ADH1B: variants seen among roughly 807,000 people sequenced by gnomAD.
ADH1B encodes all-trans-retinol dehydrogenase [NAD(+)] ADH1B.
ADH1B carries 29 observed loss-of-function variants against 34.6 expected under a neutral mutation model. That is an observed-to-expected ratio of 0.84 (90% CI 0.62 to 1.14). ADH1B has a LOEUF of 1.14. ADH1B is among the 50% of genes most tolerant of loss of function. The pLI is 0.00. For missense variants in ADH1B, 424 were observed against 468.4 expected (o/e 0.91, Z 0.87); for synonymous variants, 170 against 175.5 (o/e 0.97, Z 0.25).
In ADH1B at chr4:99,305,561, GTATATATA is replaced by G. The variant is rs56951572; in HGVS notation, c.*2271_*2278del. The G allele has an allele frequency of 0.042, 2,095 of 49,314 alleles. 235 individuals are homozygous for G. The highest frequency in any genetic ancestry group is 0.15 in the African/African-American group (1,590 of 10,812). 3.1% of individuals were successfully genotyped at this position (49,314 alleles called of 1,614,324 possible). On this transcript the variant is annotated 3_prime_UTR_variant, in exon 9 of 9. Coordinates refer to ENST00000305046, the MANE Select transcript of ADH1B (RefSeq NM_000668.6). ...CTATATGAACCACTTGCCCCATAGTGTATATATATATATATATATATATATATATATAT... is the reference window on the plus strand; with the variant it reads ...CTATATGAACCACTTGCCCCATAGTGTATATATATATATATATATATATAT...
Position 99,318,976 on chromosome 4 carries a change from C to A in ADH1B, c.19-90G>T, listed in dbSNP as rs114261077. 295 of 1,353,204 alleles carry A rather than the reference C, an allele frequency of 2.2e-4. 1 individual carries two copies. The highest frequency in any genetic ancestry group is 2.2e-3 in the Middle Eastern group (12 of 5,560). The allele number at this position is 1,353,204 out of a possible 1,614,324, so 83.8% of individuals were successfully genotyped here. The stretch of plus-strand genomic sequence containing the variant: ...TTTCATCTTTGTACATGTAATATTG[C>A]GTCCCATGTCTGGTACCTAACAAGT... On this transcript the variant is annotated intron_variant, in intron 1 of 8. Transcript: ENST00000305046.
chr4:99,312,920 A>G (rs897637665), intron 6 of ADH1B, among the ~76,000 whole-genome samples: 4 of 152,216 alleles, frequency 2.6e-5, no homozygotes, highest in African/African-American at 7.2e-5. Flanking sequence ...GCACTGTGCT[A>G]AGTATATCAC....
At chr4:99,319,227 T>C (rs749091235) in intron 1 of ADH1B, 6 of 369,716 alleles carry the variant, frequency 1.6e-5, no homozygotes, top group Non-Finnish European at 2.6e-5. Flanking sequence ...TTAGCTGATA[T>C]ATGAAGTTAG....
At chr4:99,318,709 T>G (rs1733948427) in intron 2 of ADH1B, 76 bp downstream of exon 2, 6 of 1,397,070 alleles carry the variant, frequency 4.3e-6, no homozygotes, top group Non-Finnish European at 4.9e-6. Context: ...CTTAGTGGAT[T>G]TTTGGATGTT....
Position 99,316,013 on chromosome 4 carries a change from G to A in ADH1B, c.452C>T (p.Thr151Met), listed in dbSNP as rs1473501011. ...FLGTSTFSQY[T>M]VVDENAVAKI... ...GGCCACTGCATTCTCATCCACCACC[G>A]TGTACTGGGAGAAGGTGCTGGTGCC... Residue 151 changes from threonine (T) to methionine (M), a missense_variant, in exon 5 of 9, where the codon ACG (threonine) becomes ATG (methionine). Around this residue, in one of 3 missense-constraint regions of ADH1B, gnomAD observed 291 missense variants for 300.4 expected, o/e 0.97. Transcript: ENST00000305046. The A allele has an allele frequency of 5.6e-6, 9 of 1,614,058 alleles. No individual in the cohort carries two copies. In the East Asian group the frequency reaches 6.7e-5, roughly 12 times the overall value.
In ADH1B at chr4:99,316,249, T is replaced by C. The variant is rs1168808338; in HGVS notation, c.313A>G (p.Lys105Glu). 3.1e-6 allele frequency: 5 copies of C among 1,614,098 alleles called. No homozygotes were observed. Among genetic ancestry groups the C allele is most frequent in the Non-Finnish European group, 3.4e-6 (4 of 1,180,042 alleles). ...AAGCAGTAGTTGCTCTCCGGGTTTT[T>C]ACAAACTCTGCATTTTCCACACTGA... ...TPQCGKCRVC[K>E]NPESNYCLKN... The change falls in exon 4 of 9, where the codon AAA becomes GAA. Residue 105 changes from lysine to glutamate, a missense_variant. This residue lies in a region of ADH1B where 291 missense variants were observed against 300.4 expected (regional missense o/e 0.97). Transcript: ENST00000305046.
At chr4:99,316,426 A>G in intron 3 of ADH1B, 124 bp from the exon 4 acceptor site, 1 of 985,586 alleles carries the variant, frequency 1.0e-6, no homozygotes, top group Admixed American at 2.7e-5. Flanking sequence ...AATAGAGTTC[A>G]ATAATAACTA....
rs188928861 is a variant in ADH1B, at chr4:99,305,797, G to C, written c.*2043C>G. On this transcript the variant is annotated 3_prime_UTR_variant, in exon 9 of 9. Transcript: ENST00000305046. ...CCGAACCTGGGAGGAAGGCGGGTGG[G>C]AGCTGGATGTCAGCTTCTGTGTCAC... The C allele has an allele frequency of 7.8e-4, 119 of 151,596 alleles. 1 individual carries two copies. The highest frequency in any genetic ancestry group is 2.7e-3 in the African/African-American group (113 of 41,258). The allele number at this position is 151,596 out of a possible 1,614,324, so 9.4% of individuals were successfully genotyped here.
chr4:99,308,403 C>A (rs1733666686), intron 8 of ADH1B, among the ~76,000 whole-genome samples: 2 of 147,490 alleles, frequency 1.4e-5, no homozygotes, highest in South Asian at 2.1e-4. Flanking sequence ...TACAAATTTG[C>A]AAAAATTATA....
In ADH1B at chr4:99,316,110, T is replaced by C. The variant is rs1733879110; in HGVS notation, c.355A>G (p.Asn119Asp). ...SNYCLKNDLG[N>D]PRGTLQDGTR... ...CCATCCTGCAGGGTCCCCCGAGGATTGCCTAGACTGGGCAGTGCAATACAC... is the reference window on the plus strand; with the variant it reads ...CCATCCTGCAGGGTCCCCCGAGGATCGCCTAGACTGGGCAGTGCAATACAC... Residue 119 changes from asparagine (N) to aspartate (D), a missense_variant, in exon 5 of 9, where the codon AAT becomes GAT. Around this residue, in one of 3 missense-constraint regions of ADH1B, gnomAD observed 291 missense variants for 300.4 expected, o/e 0.97. Coordinates refer to ENST00000305046, the MANE Select transcript of ADH1B (RefSeq NM_000668.6). 1 of 1,614,030 alleles carries C rather than the reference T, an allele frequency of 6.2e-7. No homozygotes were observed. The highest frequency in any genetic ancestry group is 1.1e-5 in the South Asian group (1 of 91,088).
At chr4:99,313,214 T>A (rs1051545638) in intron 6 of ADH1B, among the ~76,000 whole-genome samples, 2 of 152,050 alleles carry the variant, frequency 1.3e-5, no homozygotes, top group Non-Finnish European at 2.9e-5. Context: ...GTATTTTTAG[T>A]AGAGACTGCT....
chr4:99,315,737 A>C, intron 5 of ADH1B, 161 bp downstream of exon 5: 1 of 813,424 alleles, frequency 1.2e-6, no homozygotes, highest in Non-Finnish European at 1.9e-6. Context: ...AATTGGTGAA[A>C]TTTCTAGCAT....
chr4:99,321,278 G>GCAAAA (rs751288262), intron 1 of ADH1B, 36 bp downstream of exon 1: 12 of 1,557,432 alleles, frequency 7.7e-6, no homozygotes, highest in Non-Finnish European at 1.1e-5. Context: ...ATATTGATGA[G>GCAAAA]AATATATTAC....
chr4:99,308,412 T>C (rs1182305193), intron 8 of ADH1B, among the ~76,000 whole-genome samples: 1 of 148,142 alleles, frequency 6.8e-6, no homozygotes. Flanking sequence ...GCAAAAATTA[T>C]AAGATGATGG....
chr4:99,308,969 A>G (rs1733682581), intron 8 of ADH1B, among the ~76,000 whole-genome samples: 1 of 151,904 alleles, frequency 6.6e-6, no homozygotes. Context: ...AAGTATAATA[A>G]TAATAAAATA....
intron 1 of ADH1B, chr4:99,319,199 C>G: frequency 2.4e-6 from 1 of 417,858 alleles, no homozygotes; most frequent in Non-Finnish European, 4.4e-6. Flanking sequence ...CCTGAAAATG[C>G]TCGTCTACCC....
rs1733735209 is a variant in ADH1B at position 99,310,829 on chromosome 4, T to C, written c.1039A>G (p.Ile347Val). The C allele has an allele frequency of 6.2e-7, 1 of 1,613,694 alleles. No individual in the cohort carries two copies. Among genetic ancestry groups the C allele is most frequent in the Non-Finnish European group, 8.5e-7 (1 of 1,179,778 alleles). ...MAKKFSLDAL[I>V]THVLPFEKIN... Reference sequence around the variant, plus strand: ...TTTTCAAAAGGTAAAACATGGGTTATTAACGCATCCAGTGAAAACTTCTTA... The same window carrying C: ...TTTTCAAAAGGTAAAACATGGGTTACTAACGCATCCAGTGAAAACTTCTTA... The change falls in exon 8 of 9, where the codon ATA becomes GTA. Residue 347 changes from isoleucine (I) to valine (V), a missense_variant. Physicochemically the swap from Ile to Val is conservative, Grantham distance 29. Transcript: ENST00000305046.
At chr4:99,319,765 C>T (rs562167735) in intron 1 of ADH1B, 2 of 152,210 alleles carry the variant, frequency 1.3e-5, no homozygotes, top group Non-Finnish European at 2.9e-5. Context: ...GTATAATTCG[C>T]AGAGCCCTTT....
chr4:99,311,094 G>A (rs1027790135), intron 7 of ADH1B, among the ~76,000 whole-genome samples, 191 bp from the exon 8 acceptor site: 1 of 152,096 alleles, frequency 6.6e-6, no homozygotes, highest in Non-Finnish European at 1.5e-5. Context: ...ACAGATAAAC[G>A]AAGGTTCTTA....
Sources: gnomAD v4.1 joint callset for allele counts (sites outside exome capture counted in the v4.1 genomes callset) on GRCh38, gnomAD v4.1.1 for gene constraint, gnomAD v4.1.1 regional missense constraint, MANE v1.5 for transcripts, NCBI Gene and HGNC (gene_info 2026-07-23, HGNC 2026-07-21) for gene names.